SLCO1B1: variants seen among roughly 807,000 people sequenced by gnomAD.
SLCO1B1 encodes the protein OATP-2.
A neutral mutation model predicts 70.1 loss-of-function variants in SLCO1B1; 81 were observed. The ratio of observed to expected loss-of-function variants is 1.16; its 90% CI spans 0.97 to 1.39. The LOEUF (loss-of-function observed/expected upper bound fraction) is 1.39, where lower values mean the gene tolerates loss of function less well. Ranked by LOEUF, SLCO1B1 falls within the 40% of genes most tolerant of loss-of-function variation. The pLI is 0.00. For synonymous variants in SLCO1B1, 283 were observed against 271.5 expected (o/e 1.04, Z -0.42); for missense variants, 895 against 799.6 (o/e 1.12, Z -1.44).
chr12:21,231,693 A>G (rs562694250), intron 14 of SLCO1B1, among the ~76,000 whole-genome samples: 2 of 152,142 alleles, frequency 1.3e-5, no homozygotes, highest in South Asian at 4.1e-4. Flanking sequence ...ATATGTGTGT[A>G]TATATGTATA....
At chr12:21,184,995 A>T (rs1227194371) in intron 7 of SLCO1B1, among the ~76,000 whole-genome samples, 1 of 152,186 alleles carries the variant, frequency 6.6e-6, no homozygotes, top group African/African-American at 2.4e-5. Context: ...TTAAACCAAA[A>T]ACCATCAAGA....
chr12:21,175,219 T>C (rs1940805751), intron 4 of SLCO1B1, among the ~76,000 whole-genome samples: 1 of 152,172 alleles, frequency 6.6e-6, no homozygotes, highest in South Asian at 2.1e-4. Flanking sequence ...TGATTCTACC[T>C]CTTTCCATCA....
chr12:21,211,067 A>G (rs1457588129), intron 11 of SLCO1B1, among the ~76,000 whole-genome samples: 3 of 152,052 alleles, frequency 2.0e-5, no homozygotes, highest in Non-Finnish European at 2.9e-5. Context: ...TCTCCTGCCT[A>G]ATTGCCCTGG....
chr12:21,235,079 G>A (rs933216642), intron 14 of SLCO1B1, among the ~76,000 whole-genome samples: 4 of 140,534 alleles, frequency 2.8e-5, no homozygotes, highest in Non-Finnish European at 4.6e-5. Flanking sequence ...ACTTCAAGTC[G>A]AATTTTTTTT....
At chr12:21,211,358 TA>T (rs1205106988) in intron 11 of SLCO1B1, among the ~76,000 whole-genome samples, 1 of 152,252 alleles carries the variant, frequency 6.6e-6, no homozygotes, top group Non-Finnish European at 1.5e-5. Flanking sequence ...TATGCTGGAT[TA>T]CATTTATTGA....
intron 7 of SLCO1B1, among the ~76,000 whole-genome samples, chr12:21,188,469 AT>A (rs1940988049): frequency 6.6e-6 from 1 of 152,198 alleles, no homozygotes; most frequent in Admixed American, 6.6e-5. Context: ...TGTTTATGTT[AT>A]TGGTAAGGAT....
intron 7 of SLCO1B1, among the ~76,000 whole-genome samples, chr12:21,191,801 A>G (rs1460582474): frequency 6.6e-6 from 1 of 152,066 alleles, no homozygotes; most frequent in African/African-American, 2.4e-5. Flanking sequence ...ATTTTTATCT[A>G]TTCCTAGCTT....
chr12:21,182,517 G>A (rs1288411027), intron 7 of SLCO1B1, among the ~76,000 whole-genome samples: 2 of 152,108 alleles, frequency 1.3e-5, no homozygotes, highest in African/African-American at 4.8e-5. Context: ...GGACACATCT[G>A]TATTGTAGGC....
chr12:21,154,054 T>G (rs141781375), intron 2 of SLCO1B1, among the ~76,000 whole-genome samples: 2 of 151,604 alleles, frequency 1.3e-5, no homozygotes, highest in Admixed American at 1.3e-4. Flanking sequence ...ATAGTTAGAC[T>G]TGCTTTTACT....
chr12:21,235,210 T>C (rs1297363158), intron 14 of SLCO1B1, among the ~76,000 whole-genome samples: 2 of 151,952 alleles, frequency 1.3e-5, no homozygotes, highest in Non-Finnish European at 2.9e-5. Flanking sequence ...GTATTTATTT[T>C]ATAAATATGA....
At chr12:21,227,075 C>T (rs1288991358) in intron 14 of SLCO1B1, among the ~76,000 whole-genome samples, 1 of 152,034 alleles carries the variant, frequency 6.6e-6, no homozygotes, top group Non-Finnish European at 1.5e-5. Flanking sequence ...CAGCAAACTT[C>T]TAGAAATTTA....
intron 2 of SLCO1B1, among the ~76,000 whole-genome samples, chr12:21,153,922 C>T (rs187466464): frequency 8.3e-4 from 126 of 151,900 alleles, no homozygotes; most frequent in Non-Finnish European, 1.4e-3. Flanking sequence ...AGAATTTCTT[C>T]GTGATTTAGG....
chr12:21,152,245 C>T (rs1256476947), intron 2 of SLCO1B1, among the ~76,000 whole-genome samples: 3 of 151,794 alleles, frequency 2.0e-5, no homozygotes, highest in African/African-American at 4.8e-5. Flanking sequence ...AAATTTTTAT[C>T]TGTCTGCTTA....
chr12:21,205,749 C>A lies in SLCO1B1; in HGVS notation c.1332-119C>A, dbSNP rs531039909. ...AAATTTCTTCATATAAAGAAAAATT[C>A]TTTATCTACTTTTTTTCCCTCTTTC... On this transcript the variant is annotated intron_variant, in intron 10 of 14. Coordinates refer to ENST00000256958, the MANE Select transcript of SLCO1B1 (RefSeq NM_006446.5). The A allele has an allele frequency of 1.0e-5, 7 of 688,046 alleles. No individual in the cohort carries two copies. The East Asian group carries it at 1.2e-4, about 12-fold the overall frequency. 42.6% of individuals were successfully genotyped at this position (688,046 alleles called of 1,614,324 possible). A position where few individuals can be genotyped will look rare whatever the true frequency, so the allele number is the denominator to read the frequency against.
intron 7 of SLCO1B1, 69 bp from the exon 8 acceptor site, chr12:21,196,876 AC>A: frequency 6.8e-7 from 1 of 1,469,368 alleles, no homozygotes; most frequent in Non-Finnish European, 9.4e-7. Context: ...CTTTCTTCAT[AC>A]CATTATTTCC....
chr12:21,161,350 T>C (rs1400858165), intron 2 of SLCO1B1, among the ~76,000 whole-genome samples: 2 of 152,196 alleles, frequency 1.3e-5, no homozygotes, highest in Non-Finnish European at 2.9e-5. Context: ...CAAGATCATG[T>C]CTTTTGTGGA....
At chr12:21,215,047 G>GT (rs1319108235) in intron 11 of SLCO1B1, among the ~76,000 whole-genome samples, 1 of 152,216 alleles carries the variant, frequency 6.6e-6, no homozygotes, top group Non-Finnish European at 1.5e-5. Context: ...GCTGGGAGCT[G>GT]TAGACCGGAG....
intron 7 of SLCO1B1, among the ~76,000 whole-genome samples, chr12:21,182,624 T>A (rs1940916898): frequency 6.6e-6 from 1 of 152,126 alleles, no homozygotes; most frequent in Admixed American, 6.5e-5. Context: ...GAGGGTTTTT[T>A]CAAGGACCCC....
At chr12:21,208,905 A>T (rs1473560452) in intron 11 of SLCO1B1, among the ~76,000 whole-genome samples, 1 of 151,912 alleles carries the variant, frequency 6.6e-6, no homozygotes, top group Non-Finnish European at 1.5e-5. Context: ...GAATTGCATT[A>T]TTGATTTGGG....
Sources: gnomAD v4.1 joint callset for allele counts (sites outside exome capture counted in the v4.1 genomes callset) on GRCh38, gnomAD v4.1.1 for gene constraint, MANE v1.5 for transcripts, NCBI Gene and HGNC (gene_info 2026-07-23, HGNC 2026-07-21) for gene names.